COL11A1: variants seen among roughly 807,000 people sequenced by gnomAD.
COL11A1 encodes collagen alpha-1(XI) chain.
Under a neutral mutation model 265.2 loss-of-function variants are expected in COL11A1, and 74 were observed. The ratio of observed to expected loss-of-function variants is 0.28; its 90% CI spans 0.23 to 0.34. COL11A1 has a LOEUF of 0.34. Ranked by LOEUF, COL11A1 falls within the 10% of genes least tolerant of loss-of-function variation. The probability of loss-of-function intolerance (pLI) is 1.00; values close to 1 mark genes in which losing one functional copy is unlikely to be tolerated. For missense variants in COL11A1, 2,165 were observed against 2,263.6 expected, an observed-to-expected ratio of 0.96 and a Z score of 0.88; for synonymous variants, 816 against 727.6, an observed-to-expected ratio of 1.12 and a Z score of -1.96.
intron 37 of COL11A1, among the ~76,000 whole-genome samples, chr1:102,968,424 A>G (rs1252209241): frequency 6.6e-6 from 1 of 152,218 alleles, no homozygotes; most frequent in African/African-American, 2.4e-5. Flanking sequence ...GTTTAAGGCC[A>G]CCAGGAAAAA....
chr1:103,038,112 A>G (rs974088249), intron 4 of COL11A1, among the ~76,000 whole-genome samples: 1 of 142,054 alleles, frequency 7.0e-6, no homozygotes, highest in Non-Finnish European at 1.6e-5. Flanking sequence ...GTAAAATAGC[A>G]TTAAACATAA....
Position 102,978,923 on chromosome 1 carries a change from A to T in COL11A1, c.2656-10T>A, listed in dbSNP as rs2101680636. ...TTGAACCTCGAGGACCCTGCAGATG[A>T]GAACAAAAGATGAACCCAAACTAAT... On this transcript the variant is annotated splice_polypyrimidine_tract_variant and intron_variant, in intron 33 of 66. Transcript: ENST00000370096. 1 of 1,614,198 alleles carries T rather than the reference A, an allele frequency of 6.2e-7. No individual in the cohort carries two copies. Among genetic ancestry groups the T allele is most frequent in the South Asian group, 1.1e-5 (1 of 91,090 alleles).
At chr1:103,069,975 G>A (rs1671449319) in intron 4 of COL11A1, among the ~76,000 whole-genome samples, 1 of 151,662 alleles carries the variant, frequency 6.6e-6, no homozygotes, top group South Asian at 2.1e-4. Flanking sequence ...AATGGTTAAT[G>A]CCACTTTGAA....
At chr1:103,086,639 A>G (rs1030375783) in intron 1 of COL11A1, among the ~76,000 whole-genome samples, 1 of 151,810 alleles carries the variant, frequency 6.6e-6, no homozygotes, top group African/African-American at 2.4e-5. Context: ...GATGGTCTTG[A>G]TCTCCTGACT....
At chr1:103,027,019 T>G in intron 5 of COL11A1, among the ~76,000 whole-genome samples, 1 of 151,998 alleles carries the variant, frequency 6.6e-6, no homozygotes, top group South Asian at 2.1e-4. Flanking sequence ...TGCTTATAAT[T>G]AATACATAAT....
At chr1:102,913,794 T>C in intron 52 of COL11A1, 104 bp from the exon 53 acceptor site, 2 of 1,002,704 alleles carry the variant, frequency 2.0e-6, no homozygotes, top group South Asian at 2.6e-5. Flanking sequence ...AGAAAAATTA[T>C]CAGATGGACA....
At chr1:103,054,603 GA>G (rs144474640) in intron 4 of COL11A1, among the ~76,000 whole-genome samples, 5 of 150,768 alleles carry the variant, frequency 3.3e-5, no homozygotes, top group Admixed American at 6.6e-5. Flanking sequence ...CTAAAAAAAA[GA>G]AAAAAAAAGC....
intron 4 of COL11A1, among the ~76,000 whole-genome samples, chr1:103,051,140 A>C (rs2102133183): frequency 6.6e-6 from 1 of 152,290 alleles, no homozygotes; most frequent in African/African-American, 2.4e-5. Context: ...TCAGACAGGG[A>C]CATTTAAGTC....
At chr1:102,893,739 A>C (rs948086836) in intron 57 of COL11A1, among the ~76,000 whole-genome samples, 11 of 152,178 alleles carry the variant, frequency 7.2e-5, no homozygotes, top group African/African-American at 2.2e-4. Context: ...AATTTAAAGA[A>C]ACTGCAGATC....
At chr1:103,018,924 A>G (rs1329909132) in intron 9 of COL11A1, 65 bp from the exon 10 acceptor site, 2 of 1,236,312 alleles carry the variant, frequency 1.6e-6, no homozygotes, top group Non-Finnish European at 2.4e-6. Context: ...AATTACATGA[A>G]TATAAGAGAA....
At chr1:102,925,751 T>C (rs1656527742) in intron 46 of COL11A1, among the ~76,000 whole-genome samples, 1 of 152,014 alleles carries the variant, frequency 6.6e-6, no homozygotes, top group South Asian at 2.1e-4. Flanking sequence ...ACACATAAAC[T>C]TAAATTCTTA....
chr1:103,042,173 C>A (rs1386190649), intron 4 of COL11A1, among the ~76,000 whole-genome samples: 1 of 151,896 alleles, frequency 6.6e-6, no homozygotes, highest in Non-Finnish European at 1.5e-5. Flanking sequence ...TTTATGGAGG[C>A]AAAGTATCAT....
intron 7 of COL11A1, among the ~76,000 whole-genome samples, chr1:103,024,139 T>A (rs1209551147): frequency 6.6e-6 from 1 of 152,174 alleles, no homozygotes; most frequent in Non-Finnish European, 1.5e-5. Context: ...CTACTTTTTA[T>A]TTTTTGAGAT....
intron 42 of COL11A1, among the ~76,000 whole-genome samples, chr1:102,945,247 A>ACTCTCTCT (rs3056651): frequency 0.012 from 1,572 of 129,170 alleles, 30 homozygotes; most frequent in African/African-American, 0.03. Context: ...TTTTCTTTTT[A>ACTCTCTCT]CTCTCTCTCT....
intron 49 of COL11A1, 44 bp from the exon 50 acceptor site, chr1:102,915,728 C>A (rs2101039632): frequency 7.1e-7 from 1 of 1,400,364 alleles, no homozygotes; most frequent in African/African-American, 1.4e-5. Context: ...CAGAGATGAT[C>A]TTTTACATTT....
chr1:103,093,866 A>G (rs1270055908), intron 1 of COL11A1, among the ~76,000 whole-genome samples: 1 of 152,104 alleles, frequency 6.6e-6, no homozygotes, highest in Non-Finnish European at 1.5e-5. Flanking sequence ...GGTCATAAGG[A>G]TTTTTAAGGC....
intron 5 of COL11A1, among the ~76,000 whole-genome samples, chr1:103,030,198 C>T (rs1667861170): frequency 6.6e-6 from 1 of 151,986 alleles, no homozygotes; most frequent in Admixed American, 6.6e-5. Flanking sequence ...TTTACACTCT[C>T]ATATTTGCCT....
At chr1:102,907,392 A>G (rs189790217) in intron 54 of COL11A1, among the ~76,000 whole-genome samples, 5 of 152,226 alleles carry the variant, frequency 3.3e-5, no homozygotes, top group Admixed American at 3.3e-4. Flanking sequence ...CATATGCTAG[A>G]ATGACTCAAT....
intron 4 of COL11A1, among the ~76,000 whole-genome samples, chr1:103,050,577 G>A (rs530729214): frequency 3.1e-4 from 47 of 151,846 alleles, no homozygotes; most frequent in East Asian, 1.9e-4. Context: ...TAGTTTGATC[G>A]TCTGAAGCCT....
Sources: allele counts gnomAD v4.1 joint callset (sites outside exome capture counted in the v4.1 genomes callset), GRCh38; gene constraint gnomAD v4.1.1; transcripts MANE v1.5; gene names NCBI Gene and HGNC (gene_info 2026-07-23, HGNC 2026-07-21).